ATP6V0A4: variants seen among roughly 807,000 people sequenced by gnomAD.
ATP6V0A4 encodes ATPase H+ transporting V0 subunit a4.
Under a neutral mutation model 107.3 loss-of-function variants are expected in ATP6V0A4, and 86 were observed. The observed-to-expected ratio is 0.80, with a 90% CI of 0.67 to 0.96. The LOEUF (loss-of-function observed/expected upper bound fraction) is 0.96. ATP6V0A4 is among the 40% of genes least tolerant of loss of function. The pLI is 0.00. For synonymous variants in ATP6V0A4, 353 were observed against 381.4 expected (o/e 0.93, Z 0.87); for missense variants, 908 against 1,045.6 (o/e 0.87, Z 1.81).
intron 10 of ATP6V0A4, among the ~76,000 whole-genome samples, chr7:138,753,318 G>A (rs1337161053): frequency 1.3e-5 from 2 of 152,222 alleles, no homozygotes; most frequent in Non-Finnish European, 1.5e-5. Context: ...GGAATGCGGA[G>A]GACGGCCCGC....
chr7:138,730,931 C>CTTCTT (rs1554392929), intron 17 of ATP6V0A4, among the ~76,000 whole-genome samples: 46 of 123,752 alleles, frequency 3.7e-4, no homozygotes, highest in Admixed American at 1.0e-3. Context: ...TCTTCTTCTT[C>CTTCTT]TTTTTTTATT....
At chr7:138,714,151 C>T (rs1471131726) in intron 20 of ATP6V0A4, among the ~76,000 whole-genome samples, 3 of 144,954 alleles carry the variant, frequency 2.1e-5, no homozygotes, top group Non-Finnish European at 4.5e-5. Flanking sequence ...GAAGCTGAGG[C>T]GGTAGAATGA....
At chr7:138,722,083 A>C (rs1804451603) in intron 18 of ATP6V0A4, 58 bp from the exon 19 acceptor site, 1 of 1,602,932 alleles carries the variant, frequency 6.2e-7, no homozygotes, top group Non-Finnish European at 8.5e-7. Context: ...ATTCTAACAC[A>C]TATAAATATA....
chr7:138,790,456 G>A (rs1453484425), intron 1 of ATP6V0A4, among the ~76,000 whole-genome samples: 1 of 152,030 alleles, frequency 6.6e-6, no homozygotes, highest in African/African-American at 2.4e-5. Flanking sequence ...CACCAGGACT[G>A]GCTAATTTTT....
intron 1 of ATP6V0A4, among the ~76,000 whole-genome samples, chr7:138,791,766 A>G (rs987142367): frequency 4.6e-5 from 7 of 152,184 alleles, no homozygotes; most frequent in Non-Finnish European, 4.4e-5. Context: ...ACATATCCAG[A>G]CAAACAAAGT....
At chr7:138,736,167 C>T (rs111514866) in intron 15 of ATP6V0A4, among the ~76,000 whole-genome samples, 4,594 of 152,174 alleles carry the variant, frequency 0.03, 216 homozygotes, top group African/African-American at 0.11. Flanking sequence ...GATTGAGGCC[C>T]AGGAGGTCGA....
chr7:138,759,034 A>G (rs1173099545), intron 8 of ATP6V0A4, among the ~76,000 whole-genome samples: 11 of 140,020 alleles, frequency 7.9e-5, no homozygotes, highest in Non-Finnish European at 9.1e-5. Flanking sequence ...TACAGGCATG[A>G]GCCACCATGC....
At chr7:138,760,566 A>G (rs917916389) in intron 7 of ATP6V0A4, among the ~76,000 whole-genome samples, 2 of 152,160 alleles carry the variant, frequency 1.3e-5, no homozygotes, top group African/African-American at 4.8e-5. Flanking sequence ...CTAAGAGGGA[A>G]AAATACATTG....
chr7:138,737,059 C>T (rs1403014204), intron 15 of ATP6V0A4, among the ~76,000 whole-genome samples: 5 of 130,736 alleles, frequency 3.8e-5, no homozygotes, highest in African/African-American at 5.8e-5. Flanking sequence ...AGATGCCAAA[C>T]GCAGTCAGTA....
At chr7:138,741,677 T>C (rs1362353934) in intron 14 of ATP6V0A4, among the ~76,000 whole-genome samples, 1 of 152,182 alleles carries the variant, frequency 6.6e-6, no homozygotes, top group African/African-American at 2.4e-5. Flanking sequence ...GGCTAAATCC[T>C]CTAAGCCCTT....
At chr7:138,723,529 T>C (rs1321881916) in intron 18 of ATP6V0A4, among the ~76,000 whole-genome samples, 7 of 76,002 alleles carry the variant, frequency 9.2e-5, no homozygotes, top group Non-Finnish European at 1.4e-4. Flanking sequence ...TTTTCTTTTT[T>C]TTTTTTTTTT....
chr7:138,765,880 G>C (rs1337841550), intron 5 of ATP6V0A4, among the ~76,000 whole-genome samples: 1 of 152,120 alleles, frequency 6.6e-6, no homozygotes, highest in Admixed American at 6.5e-5. Context: ...CTCCCAAGTA[G>C]CTGGGACCAC....
chr7:138,723,160 T>C (rs1804525169), intron 18 of ATP6V0A4, among the ~76,000 whole-genome samples: 1 of 152,086 alleles, frequency 6.6e-6, no homozygotes, highest in Non-Finnish European at 1.5e-5. Flanking sequence ...CTCCAGTGCA[T>C]GTGCTTTTTC....
chr7:138,759,725 A>AT, intron 8 of ATP6V0A4, 27 bp downstream of exon 8: 1 of 1,613,856 alleles, frequency 6.2e-7, no homozygotes, highest in East Asian at 2.2e-5. Context: ...AGTCTCAGAG[A>AT]AAGTTTTTGC....
chr7:138,769,018 C>T, intron 4 of ATP6V0A4, 144 bp from the exon 5 acceptor site: 2 of 1,563,960 alleles, frequency 1.3e-6, no homozygotes, highest in South Asian at 1.2e-5. Flanking sequence ...GGATCCCACC[C>T]CCAACCTCCC....
chr7:138,759,674 T>C (rs1806694041), intron 8 of ATP6V0A4, 78 bp downstream of exon 8: 4 of 1,467,026 alleles, frequency 2.7e-6, no homozygotes, highest in Admixed American at 1.7e-5. Context: ...AGATCCCCCA[T>C]GTTTTGGGAG....
At chr7:138,719,381 G>C (rs1260289640) in intron 19 of ATP6V0A4, among the ~76,000 whole-genome samples, 3 of 152,132 alleles carry the variant, frequency 2.0e-5, no homozygotes, top group Non-Finnish European at 2.9e-5. Flanking sequence ...TAGTTGAAGT[G>C]GGGTCTGGCC....
At chr7:138,756,627 A>C (rs983195281) in intron 8 of ATP6V0A4, 87 bp from the exon 9 acceptor site, 1 of 1,492,702 alleles carries the variant, frequency 6.7e-7, no homozygotes, top group African/African-American at 1.4e-5. Context: ...TCCTGTTTTT[A>C]GGCTTACACA....
Position 138,709,763 on chromosome 7 carries a change from T to C in ATP6V0A4, c.2290A>G (p.Asn764Asp). 1 of 1,614,080 alleles carries C rather than the reference T, an allele frequency of 6.2e-7. No individual in the cohort carries two copies. The highest frequency in any genetic ancestry group is 8.5e-7 in the Non-Finnish European group (1 of 1,179,968). Residue 764 changes from asparagine to aspartate, a missense_variant, in exon 21 of 22, where the codon AAC (asparagine) becomes GAC (aspartate). By Grantham distance (23) the Asn-to-Asp change is conservative. Coordinates refer to ENST00000310018, the MANE Select transcript of ATP6V0A4 (RefSeq NM_020632.3). ...LSEVLWTMVM[N>D]SGLQTRGWGG... Reference sequence around the variant, plus strand: ...CAGCCTCGCGTCTGAAGGCCGCTGTTCATCACCATAGTCCAGAGCACTTCA... The same window carrying C: ...CAGCCTCGCGTCTGAAGGCCGCTGTCCATCACCATAGTCCAGAGCACTTCA...
Sources: allele counts gnomAD v4.1 joint callset (sites outside exome capture counted in the v4.1 genomes callset), GRCh38; gene constraint gnomAD v4.1.1; transcripts MANE v1.5; gene names NCBI Gene and HGNC (gene_info 2026-07-23, HGNC 2026-07-21).